Variants in AGBL1 observed in about 807,000 individuals in gnomAD.
AGBL1 encodes AGBL carboxypeptidase 1, also known as cytosolic carboxypeptidase 4.
AGBL1 carries 130 observed loss-of-function variants against 118.9 expected under a neutral mutation model. That is an observed-to-expected ratio of 1.09 (90% confidence interval 0.95 to 1.26). The LOEUF (loss-of-function observed/expected upper bound fraction) is 1.26. Among genes scored for constraint, AGBL1 ranks in the 50% most tolerant of loss-of-function variants. The pLI, the probability that AGBL1 is intolerant of heterozygous loss-of-function variation, is 0.00. For missense variants in AGBL1, 1,584 were observed against 1,298.1 expected (o/e 1.22, Z -3.38); for synonymous variants, 555 against 478.9 (o/e 1.16, Z -2.08).
chr15:86,239,819 G>A (rs1373992206), intron 6 of AGBL1, among the ~76,000 whole-genome samples: 1 of 152,078 alleles, frequency 6.6e-6, no homozygotes, highest in Admixed American at 6.5e-5. Context: ...CTGGATTAGT[G>A]GTAAGAACTA....
At chr15:86,832,838 C>G (rs1034443223) in intron 22 of AGBL1, among the ~76,000 whole-genome samples, 1 of 152,202 alleles carries the variant, frequency 6.6e-6, no homozygotes, top group Non-Finnish European at 1.5e-5. Context: ...CAGCACCTCA[C>G]TCTACTGGTA....
intron 18 of AGBL1, among the ~76,000 whole-genome samples, chr15:86,436,709 A>G (rs561581967): frequency 6.6e-6 from 1 of 152,336 alleles, no homozygotes; most frequent in Admixed American, 6.5e-5. Flanking sequence ...CAAATTTATT[A>G]TTTTGCAAAT....
At chr15:86,626,079 G>C (rs1317496697) in intron 21 of AGBL1, among the ~76,000 whole-genome samples, 1 of 152,128 alleles carries the variant, frequency 6.6e-6, no homozygotes, top group East Asian at 1.9e-4. Flanking sequence ...GGTTGCATTT[G>C]ATTGTGGAAG....
At chr15:86,329,230 AG>A (rs2080234466) in intron 17 of AGBL1, among the ~76,000 whole-genome samples, 2 of 152,220 alleles carry the variant, frequency 1.3e-5, no homozygotes, top group South Asian at 4.1e-4. Flanking sequence ...CTTCACTCCC[AG>A]GCAGAAATCC....
At chr15:86,852,818 A>G (rs1012351937) in intron 22 of AGBL1, among the ~76,000 whole-genome samples, 11 of 152,288 alleles carry the variant, frequency 7.2e-5, no homozygotes, top group African/African-American at 2.4e-4. Flanking sequence ...TGCCTATTGC[A>G]AAGGTTTGAA....
At chr15:86,519,751 T>G (rs2083163710) in intron 18 of AGBL1, among the ~76,000 whole-genome samples, 1 of 152,176 alleles carries the variant, frequency 6.6e-6, no homozygotes, top group Non-Finnish European at 1.5e-5. Context: ...ACAAATGGAA[T>G]GATTCATTGC....
chr15:86,444,827 A>T (rs189210312), intron 18 of AGBL1, among the ~76,000 whole-genome samples: 4 of 152,078 alleles, frequency 2.6e-5, no homozygotes, highest in Middle Eastern at 3.2e-3. Context: ...ACCACATTCC[A>T]TCTTGGGAAA....
chr15:86,466,519 C>T (rs1395598778), intron 18 of AGBL1, among the ~76,000 whole-genome samples: 11 of 152,210 alleles, frequency 7.2e-5, no homozygotes, highest in Admixed American at 7.2e-4. Context: ...ATTCTCCATC[C>T]AGTTTTGTTC....
At chr15:86,085,370 A>G (rs76470838) in intron 1 of AGBL1, among the ~76,000 whole-genome samples, 2,018 of 152,234 alleles carry the variant, frequency 0.013, 30 homozygotes, top group South Asian at 0.075. Flanking sequence ...GGGAAGAAAT[A>G]AGATGGAGAT....
At chr15:86,410,120 A>G in intron 18 of AGBL1, among the ~76,000 whole-genome samples, 1 of 152,300 alleles carries the variant, frequency 6.6e-6, no homozygotes, top group African/African-American at 2.4e-5. Flanking sequence ...GATGTGATAC[A>G]TGGCTTCCTA....
At chr15:86,777,435 T>TC (rs1367307720) in intron 22 of AGBL1, among the ~76,000 whole-genome samples, 1 of 149,568 alleles carries the variant, frequency 6.7e-6, no homozygotes, top group East Asian at 2.0e-4. Context: ...TATTTTTTTT[T>TC]CCCTTTACAA....
chr15:86,441,788 A>C (rs535131350), intron 18 of AGBL1, among the ~76,000 whole-genome samples: 1 of 152,338 alleles, frequency 6.6e-6, no homozygotes, highest in East Asian at 1.9e-4. Context: ...GTTAAGCCAG[A>C]ATCTTCTGTC....
intron 22 of AGBL1, among the ~76,000 whole-genome samples, chr15:86,764,226 G>A (rs76084392): frequency 0.065 from 9,825 of 152,010 alleles, 389 homozygotes; most frequent in South Asian, 0.13. Flanking sequence ...TGAAGGGCAG[G>A]GGAGATAAAG....
At chr15:86,304,258 T>C (rs1021607188) in intron 17 of AGBL1, among the ~76,000 whole-genome samples, 1 of 152,168 alleles carries the variant, frequency 6.6e-6, no homozygotes, top group Non-Finnish European at 1.5e-5. Context: ...TTCTACTTAT[T>C]GAACACAGCA....
intron 7 of AGBL1, 137 bp from the exon 8 acceptor site, chr15:86,256,716 C>A: frequency 1.2e-6 from 1 of 800,320 alleles, no homozygotes. Context: ...TACGGTCTGT[C>A]CATGCGTATA....
chr15:86,781,223 A>G (rs897789415), intron 22 of AGBL1, among the ~76,000 whole-genome samples: 4 of 151,570 alleles, frequency 2.6e-5, no homozygotes, highest in African/African-American at 9.7e-5. Flanking sequence ...GTGTTAATTT[A>G]TTTTCTCCAA....
intron 23 of AGBL1, among the ~76,000 whole-genome samples, chr15:86,938,271 A>G (rs1038862909): frequency 2.6e-5 from 4 of 152,192 alleles, no homozygotes; most frequent in African/African-American, 9.7e-5. Flanking sequence ...ATGGCCTCCA[A>G]GAGCCCTTTC....
intron 3 of AGBL1, among the ~76,000 whole-genome samples, chr15:86,149,549 A>G (rs2077078694): frequency 1.3e-5 from 2 of 152,254 alleles, no homozygotes; most frequent in Non-Finnish European, 2.9e-5. Context: ...GCATAATGGT[A>G]AAGGGATCAA....
Position 86,095,646 on chromosome 15 carries a change from CCTTTTTT to C in AGBL1, c.51+15624_51+15630del, listed in dbSNP as rs1251882867. On this transcript the variant is annotated intron_variant, in intron 1 of 22. Transcript: ENST00000614907. ...TCATAATGTCACATGACCTTGGATA[CCTTTTTT>C]TTTTTTTTTTTTTTTTTTTTTTACC... 2.2e-3 allele frequency among the ~76,000 whole-genome samples: 258 copies of C among 116,676 alleles called. 16 individuals carry two copies. In the South Asian group the frequency reaches 0.058, roughly 26 times the overall value. 76.5% of individuals were successfully genotyped at this position (116,676 alleles called of 152,430 possible). A position where few individuals can be genotyped will look rare whatever the true frequency, so the allele number is the denominator to read the frequency against.
Sources: gnomAD v4.1 joint callset for allele counts (sites outside exome capture counted in the v4.1 genomes callset) on GRCh38, gnomAD v4.1.1 for gene constraint, MANE v1.5 for transcripts, NCBI Gene and HGNC (gene_info 2026-07-23, HGNC 2026-07-21) for gene names.